The following PMEPA1 variants were observed in gnomAD, a reference collection of about 807,000 sequenced individuals.
PMEPA1 encodes the protein protein TMEPAI.
In PMEPA1, 11 loss-of-function variants were observed where a neutral mutation model predicts 23.0. The ratio of observed to expected loss-of-function variants is 0.48; its 90% CI spans 0.30 to 0.79. PMEPA1 has a LOEUF of 0.79. Among genes scored for constraint, PMEPA1 ranks in the 30% least tolerant of loss-of-function variants. The pLI, the probability that PMEPA1 is intolerant of heterozygous loss-of-function variation, is 0.06. For missense variants in PMEPA1, 377 were observed against 390.9 expected, an observed-to-expected ratio of 0.96 and a Z score of 0.30; for synonymous variants, 204 against 166.4, an observed-to-expected ratio of 1.23 and a Z score of -1.74.
At chr20:57,665,826 C>T (rs760399667) in intron 1 of PMEPA1, among the ~76,000 whole-genome samples, 5 of 152,210 alleles carry the variant, frequency 3.3e-5, no homozygotes, top group Admixed American at 6.5e-5. Flanking sequence ...GGCTAACATG[C>T]GCTGGATCCC....
Position 57,650,322 on chromosome 20 carries a change from G to A in PMEPA1, c.*1731C>T, listed in dbSNP as rs1243261704. On this transcript the variant is annotated 3_prime_UTR_variant, in exon 4 of 4. Coordinates refer to ENST00000341744, the MANE Select transcript of PMEPA1 (RefSeq NM_020182.5). Reference sequence around the variant, plus strand: ...AAAGCCACTCCCATGGGAAGGGAGGGGGTAGCAGCTGGGAGTCTGCTCTTC... The same window carrying A: ...AAAGCCACTCCCATGGGAAGGGAGGAGGTAGCAGCTGGGAGTCTGCTCTTC... 1 of 152,232 alleles carries A rather than the reference G, an allele frequency of 6.6e-6. No homozygotes were observed. Among genetic ancestry groups the A allele is most frequent in the African/African-American group, 2.4e-5 (1 of 41,448 alleles). The allele number at this position is 152,232 out of a possible 1,614,324, so 9.4% of individuals were successfully genotyped here. A position where few individuals can be genotyped will look rare whatever the true frequency, so the allele number is the denominator to read the frequency against.
At chr20:57,694,779 G>A (rs1044303207) in intron 1 of PMEPA1, among the ~76,000 whole-genome samples, 4 of 152,202 alleles carry the variant, frequency 2.6e-5, no homozygotes, top group Non-Finnish European at 5.9e-5. Context: ...AGGCATTCAG[G>A]AAATAAGGGG....
intron 1 of PMEPA1, among the ~76,000 whole-genome samples, chr20:57,684,413 C>T (rs2071771449): frequency 6.6e-6 from 1 of 152,166 alleles, no homozygotes; most frequent in Non-Finnish European, 1.5e-5. Flanking sequence ...AACTGAATTT[C>T]CCAAGTCCAC....
chr20:57,687,276 C>G (rs888333734), intron 1 of PMEPA1, among the ~76,000 whole-genome samples: 2 of 152,198 alleles, frequency 1.3e-5, no homozygotes, highest in Non-Finnish European at 2.9e-5. Context: ...GCACCTGTGC[C>G]TGGGGCTGGT....
rs1297874443 is a variant in PMEPA1, at chr20:57,659,530, G to T, written c.264+13C>A. ...GCACCCTCAGGCCACAGATGGGATG[G>T]CGGGGCACTTACTGAGGACAGGGCA... is the stretch of plus-strand genomic sequence containing the variant. On this transcript the variant is annotated intron_variant, in intron 2 of 3. Transcript: ENST00000341744. 6.2e-7 allele frequency: 1 copy of T among 1,612,562 alleles called. No homozygotes were observed. The highest frequency in any genetic ancestry group is 2.2e-5 in the East Asian group (1 of 44,838).
At chr20:57,703,280 T>C (rs1292955882) in intron 1 of PMEPA1, among the ~76,000 whole-genome samples, 1 of 152,216 alleles carries the variant, frequency 6.6e-6, no homozygotes, top group African/African-American at 2.4e-5. Flanking sequence ...GGGCCTTTCT[T>C]TTAATGGTTT....
intron 2 of PMEPA1, among the ~76,000 whole-genome samples, chr20:57,657,953 C>A (rs1472029756): frequency 6.6e-6 from 1 of 152,230 alleles, no homozygotes; most frequent in East Asian, 1.9e-4. Context: ...CAGTTCCCAG[C>A]CTGCTCTTTA....
At chr20:57,667,217 C>A (rs1480600478) in intron 1 of PMEPA1, among the ~76,000 whole-genome samples, 1 of 152,128 alleles carries the variant, frequency 6.6e-6, no homozygotes. Context: ...ACTATTCTTT[C>A]CCATCCAAGT....
chr20:57,673,481 G>A (rs554717923), intron 1 of PMEPA1, among the ~76,000 whole-genome samples: 54 of 152,196 alleles, frequency 3.5e-4, no homozygotes, highest in Non-Finnish European at 4.9e-4. Flanking sequence ...CAATCGCCTC[G>A]TCCTGCAGCC....
At chr20:57,685,603 G>A (rs561962625) in intron 1 of PMEPA1, among the ~76,000 whole-genome samples, 6 of 152,106 alleles carry the variant, frequency 3.9e-5, no homozygotes, top group African/African-American at 1.4e-4. Flanking sequence ...GGACTGGCTG[G>A]GGGGAGGGGG....
At chr20:57,685,820 G>A (rs548499484) in intron 1 of PMEPA1, among the ~76,000 whole-genome samples, 2 of 152,172 alleles carry the variant, frequency 1.3e-5, no homozygotes, top group Non-Finnish European at 2.9e-5. Context: ...GCAAAAAAAG[G>A]TTACATGAAA....
At chr20:57,663,459 CGG>C (rs2071450754) in intron 1 of PMEPA1, among the ~76,000 whole-genome samples, 1 of 152,084 alleles carries the variant, frequency 6.6e-6, no homozygotes, top group African/African-American at 2.4e-5. Flanking sequence ...GCAGGATGTG[CGG>C]GGGACATGTG....
chr20:57,651,989 C>T lies in PMEPA1; in HGVS notation c.*64G>A. ...CCCCCGCCTTCCTCTCACTCCTCTT[C>T]TAAGAAGCGCGGAGTGTTCTGCCTT... On this transcript the variant is annotated 3_prime_UTR_variant, in exon 4 of 4. Transcript: ENST00000341744. 3 of 1,373,728 alleles carry T rather than the reference C, an allele frequency of 2.2e-6. No homozygotes were observed. The highest frequency in any genetic ancestry group is 2.9e-6 in the Non-Finnish European group (3 of 1,034,710). 85.1% of individuals were successfully genotyped at this position (1,373,728 alleles called of 1,614,324 possible). A position where few individuals can be genotyped will look rare whatever the true frequency, so the allele number is the denominator to read the frequency against.
chr20:57,695,161 A>G (rs1247386198), intron 1 of PMEPA1, among the ~76,000 whole-genome samples: 1 of 152,236 alleles, frequency 6.6e-6, no homozygotes, highest in Non-Finnish European at 1.5e-5. Flanking sequence ...GACATGATTC[A>G]TACCTGTCTG....
intron 1 of PMEPA1, among the ~76,000 whole-genome samples, chr20:57,679,615 C>G (rs1600652568): frequency 6.6e-6 from 1 of 152,214 alleles, no homozygotes; most frequent in Admixed American, 6.5e-5. Flanking sequence ...AGATTCCAAC[C>G]AGGCGCTCGC....
At chr20:57,665,507 CAAAA>C (rs77601752) in intron 1 of PMEPA1, among the ~76,000 whole-genome samples, 2 of 86,068 alleles carry the variant, frequency 2.3e-5, no homozygotes, top group African/African-American at 3.8e-5. Context: ...CCTCATCTGT[CAAAA>C]AAAAAAAAAA....
intron 1 of PMEPA1, among the ~76,000 whole-genome samples, chr20:57,677,663 T>C (rs144944183): frequency 3.3e-5 from 5 of 152,274 alleles, no homozygotes; most frequent in African/African-American, 4.8e-5. Flanking sequence ...GACCCAGCAA[T>C]TGCACTCCTG....
intron 2 of PMEPA1, 136 bp downstream of exon 2, chr20:57,659,407 G>T (rs2146645656): frequency 1.1e-6 from 1 of 903,858 alleles, no homozygotes; most frequent in Non-Finnish European, 1.6e-6. Context: ...CTGCTGTCAG[G>T]TGGGCTCCCC....
rs143855032 is a variant in PMEPA1, at chr20:57,690,058, T to C, written c.109+19416A>G. 2.4e-3 allele frequency among the ~76,000 whole-genome samples: 363 copies of C among 152,360 alleles called. 1 individual carries two copies. The highest frequency in any genetic ancestry group is 6.8e-3 in the Middle Eastern group (2 of 292). On this transcript the variant is annotated intron_variant, in intron 1 of 3. Coordinates refer to ENST00000341744, the MANE Select transcript of PMEPA1 (RefSeq NM_020182.5). Reference sequence around the variant, plus strand: ...AGCTCCACGAGCTAGGAACTGTCGGTGTCACCCCATTTTATGGATAAGGAG... The same window carrying C: ...AGCTCCACGAGCTAGGAACTGTCGGCGTCACCCCATTTTATGGATAAGGAG...
Sources: gnomAD v4.1 joint callset for allele counts (sites outside exome capture counted in the v4.1 genomes callset) on GRCh38, gnomAD v4.1.1 for gene constraint, MANE v1.5 for transcripts, NCBI Gene and HGNC (gene_info 2026-07-23, HGNC 2026-07-21) for gene names.